Variants in SIGLEC1 observed in about 807,000 individuals in gnomAD.
The protein encoded by SIGLEC1 is sialoadhesin.
A neutral mutation model predicts 148.0 loss-of-function variants in SIGLEC1; 132 were observed. The observed-to-expected ratio is 0.89, with a 90% CI of 0.77 to 1.03. The LOEUF (loss-of-function observed/expected upper bound fraction) is 1.03. Ranked by LOEUF, SIGLEC1 falls within the 50% of genes least tolerant of loss-of-function variation. SIGLEC1 has a pLI of 0.00. For synonymous variants in SIGLEC1, 945 were observed against 969.0 expected (o/e 0.98, Z 0.46); for missense variants, 2,253 against 2,271.4 (o/e 0.99, Z 0.16).
rs757594530 is a variant in SIGLEC1, at chr20:3,703,213, G to T, written c.1212C>A (p.Val404=). 1.2e-6 allele frequency: 2 copies of T among 1,614,006 alleles called. No individual in the cohort carries two copies. Among genetic ancestry groups the T allele is most frequent in the Admixed American group, 3.3e-5 (2 of 60,018 alleles). Residue 404 remains valine, a synonymous_variant, in exon 6 of 22, where the codon GTC becomes GTA. Transcript: ENST00000344754. The stretch of plus-strand genomic sequence containing the variant: ...GCCTCTTACGGTTGACTACCACGCT[G>T]ACAGGGCCCGAGCGCTCGCTGCCAT... ...NVHGSERSGP[V]SVVVNHPPLT...
intron 21 of SIGLEC1, 168 bp downstream of exon 21, chr20:3,688,987 C>G: frequency 1.5e-6 from 1 of 670,164 alleles, no homozygotes; most frequent in East Asian, 2.6e-5. Context: ...CTGCCCCGAG[C>G]AGAACAGGGC....
chr20:3,696,914 C>A (rs373863225), intron 10 of SIGLEC1, 26 bp from the exon 11 acceptor site: 1 of 1,540,832 alleles, frequency 6.5e-7, no homozygotes. Flanking sequence ...GAGCTGAGGC[C>A]ACCCAGCCTA....
chr20:3,691,759 G>A (rs913488552), intron 17 of SIGLEC1, 144 bp downstream of exon 17: 3 of 1,320,876 alleles, frequency 2.3e-6, no homozygotes, highest in Admixed American at 4.7e-5. Flanking sequence ...TCCAGTGGGA[G>A]CTGTGCCCCC....
In SIGLEC1 at chr20:3,708,165, G is replaced by A. The variant is rs1413928780; in HGVS notation, c.-109-928C>T. 2.0e-5 allele frequency among the ~76,000 whole-genome samples: 3 copies of A among 152,186 alleles called. No individual in the cohort carries two copies. In the East Asian group the frequency reaches 5.8e-4, roughly 29 times the overall value. ...TGGGGAGGTGGCAAGGCAAGTCTAGGTTTGAAAGGTAGCATGAGAGCGCTG... is the reference window on the plus strand; with the variant it reads ...TGGGGAGGTGGCAAGGCAAGTCTAGATTTGAAAGGTAGCATGAGAGCGCTG... On this transcript the variant is annotated intron_variant, in intron 1 of 21. Coordinates refer to ENST00000344754, the MANE Select transcript of SIGLEC1 (RefSeq NM_023068.4).
chr20:3,706,560 G>A lies in SIGLEC1; in HGVS notation c.196C>T (p.Gln66Ter). The change falls in exon 3 of 22, where the codon CAG (glutamine) becomes TAG (stop). Residue 66 changes from glutamine (Q) to a stop codon, truncating the protein, a stop_gained. Coordinates refer to ENST00000344754, the MANE Select transcript of SIGLEC1 (RefSeq NM_023068.4). LOFTEE classifies it high-confidence loss of function. ...GCCGAGTGGCTCACCACCTGCCGCT[G>A]GCCCGAGTAGTCGTAGTACCAGATG... is the stretch of plus-strand genomic sequence containing the variant. ...TAIWYYDYSG[Q>*]RQVVSHSADP... The A allele has an allele frequency of 5.0e-6, 8 of 1,612,880 alleles. No individual in the cohort carries two copies. The highest frequency in any genetic ancestry group is 6.8e-6 in the Non-Finnish European group (8 of 1,179,868).
At chr20:3,705,709 G>T in intron 4 of SIGLEC1, 35 bp downstream of exon 4, 1 of 1,566,446 alleles carries the variant, frequency 6.4e-7, no homozygotes, top group African/African-American at 1.3e-5. Flanking sequence ...CAACAGATGC[G>T]CTCAGCCACA....
In SIGLEC1 at chr20:3,699,195, T is replaced by C; in HGVS notation, c.1786+7A>G. The C allele has an allele frequency of 1.2e-6, 2 of 1,607,446 alleles. No homozygotes were observed. Among genetic ancestry groups the C allele is most frequent in the Non-Finnish European group, 1.7e-6 (2 of 1,178,336 alleles). Reference sequence around the variant, plus strand: ...GCAGGAGGCTGCAACAGGTGGTGGCTGCTCACAGAGCACAGTGAGAACAGC... The same window carrying C: ...GCAGGAGGCTGCAACAGGTGGTGGCCGCTCACAGAGCACAGTGAGAACAGC... On this transcript the variant is annotated splice_region_variant and intron_variant, in intron 8 of 21. Transcript: ENST00000344754.
chr20:3,693,009 G>A lies in SIGLEC1; in HGVS notation c.3631C>T (p.Leu1211Phe), dbSNP rs1354315679. 1.9e-6 allele frequency: 3 copies of A among 1,612,014 alleles called. No individual in the cohort carries two copies. The South Asian group carries it at 3.3e-5, about 18-fold the overall frequency. The change falls in exon 15 of 22, where the codon CTC becomes TTC. Residue 1211 changes from leucine (L) to phenylalanine (F), a missense_variant. Coordinates refer to ENST00000344754, the MANE Select transcript of SIGLEC1 (RefSeq NM_023068.4). ...GAGGCTGCTGTCGAGGAGGCCAAGA[G>A]GCGACCGGCGTGGCTGAGGGCCAGC... ...AQLALSHAGR[L>F]LASSTAASVP...
In SIGLEC1 at chr20:3,706,592, A is replaced by T; in HGVS notation, c.164T>A (p.Ile55Asn). ...FPADVEVPDG[I>N]TAIWYYDYSG... The stretch of plus-strand genomic sequence containing the variant: ...GTAGTCGTAGTACCAGATGGCCGTG[A>T]TGCCGTCGGGCACCTCCACGTCGGC... Residue 55 changes from isoleucine (I) to asparagine (N), a missense_variant, in exon 3 of 22, where the codon ATC (isoleucine) becomes AAC (asparagine). Physicochemically the swap from Ile to Asn is moderately radical, Grantham distance 149 (BLOSUM62 -3). Coordinates refer to ENST00000344754, the MANE Select transcript of SIGLEC1 (RefSeq NM_023068.4). 6.2e-7 allele frequency: 1 copy of T among 1,611,292 alleles called. No individual in the cohort carries two copies.
chr20:3,696,444 C>A, intron 11 of SIGLEC1, 142 bp downstream of exon 11: 1 of 424,866 alleles, frequency 2.4e-6, no homozygotes, highest in East Asian at 4.4e-5. Context: ...AAAGGGAGGC[C>A]TTCTGCTGGC....
At chr20:3,700,307 G>A (rs1433455071) in intron 7 of SIGLEC1, among the ~76,000 whole-genome samples, 3 of 150,758 alleles carry the variant, frequency 2.0e-5, no homozygotes, top group South Asian at 2.1e-4. Context: ...TAGTGGAGAC[G>A]GGGTTTCACC....
rs766499396 is a variant in SIGLEC1 at position 3,699,435 on chromosome 20, G to T, written c.1553C>A (p.Ala518Glu). 6.2e-7 allele frequency: 1 copy of T among 1,609,978 alleles called. No individual in the cohort carries two copies. The highest frequency in any genetic ancestry group is 1.1e-5 in the South Asian group (1 of 89,888). The change falls in exon 8 of 22, where the codon GCA becomes GAA. Residue 518 changes from alanine (A) to glutamate (E), a missense_variant. Transcript: ENST00000344754. Reference sequence around the variant, plus strand: ...TGCCTGTCCTTCCACCACCTCGGCTGCCGGGCTGATGAGGAGACGGGCGGC... The same window carrying T: ...TGCCTGTCCTTCCACCACCTCGGCTTCCGGGCTGATGAGGAGACGGGCGGC... ...ANAARLLISP[A>E]AEVVEGQAVT...
rs372250131 is a variant in SIGLEC1, at chr20:3,692,210, C to T, written c.4031-8G>A. ...CAGCGTCCTGAGGGGCATCTGTGGG[C>T]AGGCAGGGCACAGATGGGGACCTTG... On this transcript the variant is annotated splice_region_variant and splice_polypyrimidine_tract_variant and intron_variant, in intron 16 of 21. Transcript: ENST00000344754. The T allele has an allele frequency of 6.5e-7, 1 of 1,534,026 alleles. No individual in the cohort carries two copies. The highest frequency in any genetic ancestry group is 1.9e-5 in the Admixed American group (1 of 53,880).
At chr20:3,699,057 T>C (rs2087827788) in intron 8 of SIGLEC1, 145 bp downstream of exon 8, 1 of 914,420 alleles carries the variant, frequency 1.1e-6, no homozygotes, top group Non-Finnish European at 1.6e-6. Flanking sequence ...CAGCCCCACA[T>C]GGAAAGACCC....
chr20:3,694,551 G>A lies in SIGLEC1; in HGVS notation c.2945-19C>T, dbSNP rs1179139815. On this transcript the variant is annotated intron_variant, in intron 12 of 21. Coordinates refer to ENST00000344754, the MANE Select transcript of SIGLEC1 (RefSeq NM_023068.4). ...GGGGCATCTACACAGGGTGGGGAGT[G>A]GTCAGGACCCAGCCAGGGGGGTCCC... The A allele has an allele frequency of 1.3e-6, 2 of 1,557,478 alleles. No individual in the cohort carries two copies. Among genetic ancestry groups the A allele is most frequent in the Non-Finnish European group, 8.7e-7 (1 of 1,149,782 alleles).
Position 3,691,581 on chromosome 20 carries a change from C to G in SIGLEC1, c.4350G>C (p.Glu1450Asp). ...LQVEGARVVA[E>D]PGLDVPEGAA... Reference sequence around the variant, plus strand: ...CGCCCTCAGGCACGTCCAGGCCAGGCTCTGCCACCACGCGTGCACCTGCGG... The same window carrying G: ...CGCCCTCAGGCACGTCCAGGCCAGGGTCTGCCACCACGCGTGCACCTGCGG... The change falls in exon 18 of 22, where the codon GAG becomes GAC. Residue 1450 changes from glutamate (E) to aspartate (D), a missense_variant. Coordinates refer to ENST00000344754, the MANE Select transcript of SIGLEC1 (RefSeq NM_023068.4). 2 of 1,612,530 alleles carry G rather than the reference C, an allele frequency of 1.2e-6. No homozygotes were observed. The highest frequency in any genetic ancestry group is 1.7e-5 in the Admixed American group (1 of 60,000).
At position 3,691,452 on chromosome 20, in the gene SIGLEC1, C is replaced by T; in HGVS notation, c.4479G>A (p.Val1493=). Residue 1493 remains valine, a synonymous_variant, in exon 18 of 22, where the codon GTG becomes GTA. Coordinates refer to ENST00000344754, the MANE Select transcript of SIGLEC1 (RefSeq NM_023068.4). ...CCACGTGGGTGAAGGCGAGAGTGGG[C>T]ACAGGCTCCGCGTGCAGCCGCCGGT... ...WNDRRLHAEP[V]PTLAFTHVAR... is the part of the protein sequence containing the mutation. 1 of 1,613,242 alleles carries T rather than the reference C, an allele frequency of 6.2e-7. No homozygotes were observed. Among genetic ancestry groups the T allele is most frequent in the Non-Finnish European group, 8.5e-7 (1 of 1,179,962 alleles).
chr20:3,694,073 CAA>C, intron 13 of SIGLEC1, 146 bp downstream of exon 13: 1 of 864,752 alleles, frequency 1.2e-6, no homozygotes, highest in Non-Finnish European at 1.7e-6. Flanking sequence ...CTAAGAAACT[CAA>C]GTCTGGAGTC....
At chr20:3,691,795 AG>A in intron 17 of SIGLEC1, 107 bp downstream of exon 17, 1 of 1,404,948 alleles carries the variant, frequency 7.1e-7, no homozygotes, top group Non-Finnish European at 9.7e-7. Flanking sequence ...TTCTCAAGGC[AG>A]AGCTTTCTCA....
Sources: gnomAD v4.1 joint callset for allele counts (sites outside exome capture counted in the v4.1 genomes callset) on GRCh38, gnomAD v4.1.1 for gene constraint, MANE v1.5 for transcripts, NCBI Gene and HGNC (gene_info 2026-07-23, HGNC 2026-07-21) for gene names.